Variants in TMEM181 observed in about 807,000 individuals in gnomAD.
TMEM181 encodes the protein transmembrane protein 181.
In TMEM181, 39 loss-of-function variants were observed where a neutral mutation model predicts 71.9. The observed-to-expected ratio is 0.54, with a 90% CI of 0.42 to 0.71. The LOEUF (loss-of-function observed/expected upper bound fraction) is 0.71. TMEM181 is among the 30% of genes least tolerant of loss of function. The pLI, the probability that TMEM181 is intolerant of heterozygous loss-of-function variation, is 0.00. For missense variants in TMEM181, 595 were observed against 583.0 expected, an observed-to-expected ratio of 1.02 and a Z score of -0.21; for synonymous variants, 245 against 228.8, an observed-to-expected ratio of 1.07 and a Z score of -0.64.
chr6:158,578,948 A>G (rs891719573), intron 2 of TMEM181, among the ~76,000 whole-genome samples: 4 of 152,348 alleles, frequency 2.6e-5, no homozygotes, highest in East Asian at 3.9e-4. Flanking sequence ...TTCCGTGTAT[A>G]TACTCAAGAG....
At position 158,634,243 on chromosome 6, in the gene TMEM181, C is replaced by T. The variant is rs749935564; in HGVS notation, c.*2355C>T. ...GTCTTCCCTGGTATATCATAAATAC[C>T]GACATATTACATACCCCATGTAAAA... On this transcript the variant is annotated 3_prime_UTR_variant, in exon 17 of 17. Transcript: ENST00000684151. 2.7e-4 allele frequency: 41 copies of T among 152,116 alleles called. No individual in the cohort carries two copies. Among genetic ancestry groups the T allele is most frequent in the Non-Finnish European group, 4.7e-4 (32 of 68,020 alleles). The allele number at this position is 152,116 out of a possible 1,614,324, so 9.4% of individuals were successfully genotyped here.
At chr6:158,540,632 T>G (rs946757845) in intron 1 of TMEM181, among the ~76,000 whole-genome samples, 3 of 152,092 alleles carry the variant, frequency 2.0e-5, no homozygotes, top group African/African-American at 7.2e-5. Context: ...AATACAAAAC[T>G]TAGCTGGGCG....
At chr6:158,612,230 AAG>A (rs1218276804) in intron 10 of TMEM181, among the ~76,000 whole-genome samples, 1 of 152,182 alleles carries the variant, frequency 6.6e-6, no homozygotes, top group Non-Finnish European at 1.5e-5. Flanking sequence ...CTTGAAACGT[AAG>A]AAGTTAGAAA....
At chr6:158,542,653 A>G (rs1384097488) in intron 1 of TMEM181, among the ~76,000 whole-genome samples, 1 of 152,048 alleles carries the variant, frequency 6.6e-6, no homozygotes, top group Non-Finnish European at 1.5e-5. Flanking sequence ...TGCCCAGGCT[A>G]GAATGCAGTG....
chr6:158,585,186 T>G (rs776340862), intron 4 of TMEM181, 118 bp from the exon 5 acceptor site: 22 of 1,083,290 alleles, frequency 2.0e-5, no homozygotes, highest in Non-Finnish European at 2.7e-5. Context: ...GAGGCCAATG[T>G]GGCCTAAGGA....
At chr6:158,587,327 C>T (rs1783825375) in intron 5 of TMEM181, among the ~76,000 whole-genome samples, 1 of 152,190 alleles carries the variant, frequency 6.6e-6, no homozygotes, top group Non-Finnish European at 1.5e-5. Context: ...TTCATGGTTT[C>T]TTCCCGCTTC....
intron 6 of TMEM181, among the ~76,000 whole-genome samples, chr6:158,597,165 A>C (rs1355571635): frequency 6.6e-6 from 1 of 152,062 alleles, no homozygotes; most frequent in Non-Finnish European, 1.5e-5. Flanking sequence ...TTAACTCAAG[A>C]AGCTGATTTC....
intron 6 of TMEM181, among the ~76,000 whole-genome samples, chr6:158,594,298 C>T (rs574361982): frequency 6.6e-6 from 1 of 151,948 alleles, no homozygotes; most frequent in African/African-American, 2.4e-5. Flanking sequence ...GGGGTTTCAC[C>T]ATGTTGGCCA....
intron 12 of TMEM181, 99 bp downstream of exon 12, chr6:158,625,305 G>A: frequency 2.9e-6 from 3 of 1,048,958 alleles, no homozygotes; most frequent in Non-Finnish European, 4.4e-6. Context: ...CCTTCCTTGA[G>A]GGCCCAGGGA....
chr6:158,545,964 C>T (rs1781513987), intron 1 of TMEM181, among the ~76,000 whole-genome samples: 1 of 152,156 alleles, frequency 6.6e-6, no homozygotes, highest in Non-Finnish European at 1.5e-5. Context: ...GCCTTCAAGT[C>T]TTGTGAGGAC....
At chr6:158,605,131 AGTGTGTGTGT>A (rs71030178) in intron 6 of TMEM181, 126 bp from the exon 7 acceptor site, 3,555 of 161,056 alleles carry the variant, frequency 0.022, 131 homozygotes, top group African/African-American at 0.13. Flanking sequence ...AAAAAAAAAA[AGTGTGTGTGT>A]GTGTGTGTGT....
At chr6:158,540,128 T>C (rs561515533) in intron 1 of TMEM181, among the ~76,000 whole-genome samples, 2 of 152,316 alleles carry the variant, frequency 1.3e-5, no homozygotes, top group Non-Finnish European at 2.9e-5. Context: ...TTCATATTCA[T>C]GGGGGAAGCT....
chr6:158,545,622 C>T (rs1281455291), intron 1 of TMEM181, among the ~76,000 whole-genome samples: 3 of 151,096 alleles, frequency 2.0e-5, no homozygotes, highest in African/African-American at 4.9e-5. Context: ...TGGAAACATG[C>T]TGTAAGGGGG....
chr6:158,605,781 A>G (rs1401461998), intron 7 of TMEM181, among the ~76,000 whole-genome samples: 2 of 152,160 alleles, frequency 1.3e-5, no homozygotes, highest in Non-Finnish European at 2.9e-5. Flanking sequence ...TTGGAAATGC[A>G]GGCATTGGGC....
intron 1 of TMEM181, among the ~76,000 whole-genome samples, chr6:158,551,384 T>C (rs1781719743): frequency 6.6e-6 from 1 of 151,696 alleles, no homozygotes; most frequent in Non-Finnish European, 1.5e-5. Context: ...CTACAGTTAC[T>C]AGAAATGTGT....
rs527454566 is a variant in TMEM181, at chr6:158,592,911, C to A, written c.492+3129C>A. Among the ~76,000 whole-genome samples the A allele has an allele frequency of 4.3e-3, 654 of 152,064 alleles. 3 individuals carry two copies. Among genetic ancestry groups the A allele is most frequent in the Non-Finnish European group, 5.3e-3 (361 of 67,996 alleles). Reference sequence around the variant, plus strand: ...CTCCAGCCTGGGTGACAGAGTGAGACCCTGTCTAAAAAAAATGCAAATATT... The same window carrying A: ...CTCCAGCCTGGGTGACAGAGTGAGAACCTGTCTAAAAAAAATGCAAATATT... On this transcript the variant is annotated intron_variant, in intron 6 of 16. Coordinates refer to ENST00000684151, the MANE Select transcript of TMEM181 (RefSeq NM_001376852.1).
intron 6 of TMEM181, among the ~76,000 whole-genome samples, chr6:158,597,070 C>CT (rs1271862467): frequency 1.3e-5 from 2 of 152,202 alleles, no homozygotes; most frequent in Non-Finnish European, 2.9e-5. Flanking sequence ...GAGCAGATGT[C>CT]TAGATGGTCG....
chr6:158,634,412 T>TA lies in TMEM181; in HGVS notation c.*2527dup, dbSNP rs1786825177. The TA allele has an allele frequency of 6.6e-6, 1 of 152,232 alleles. No individual in the cohort carries two copies. The highest frequency in any genetic ancestry group is 2.4e-5 in the African/African-American group (1 of 41,460). 9.4% of individuals were successfully genotyped at this position (152,232 alleles called of 1,614,324 possible). A position where few individuals can be genotyped will look rare whatever the true frequency, so the allele number is the denominator to read the frequency against. ...AATTATTTACTGAGGGTAGTTATGTTAAAGTTTTGCGAACTTAAAGGGCTG... is the reference window on the plus strand; with the variant it reads ...AATTATTTACTGAGGGTAGTTATGTTAAAAGTTTTGCGAACTTAAAGGGCTG... On this transcript the variant is annotated 3_prime_UTR_variant, in exon 17 of 17. Coordinates refer to ENST00000684151, the MANE Select transcript of TMEM181 (RefSeq NM_001376852.1).
At chr6:158,552,360 A>C (rs1161498235) in intron 1 of TMEM181, among the ~76,000 whole-genome samples, 1 of 152,252 alleles carries the variant, frequency 6.6e-6, no homozygotes, top group African/African-American at 2.4e-5. Context: ...ACATTTAATC[A>C]GAAGCAGGAA....
Sources: gnomAD v4.1 joint callset for allele counts (sites outside exome capture counted in the v4.1 genomes callset) on GRCh38, gnomAD v4.1.1 for gene constraint, MANE v1.5 for transcripts, NCBI Gene and HGNC (gene_info 2026-07-23, HGNC 2026-07-21) for gene names.